Variants in SLC24A2 observed in about 807,000 individuals in gnomAD.
SLC24A2 encodes the protein solute carrier family 24 member 2, also known as sodium/potassium/calcium exchanger 2.
SLC24A2 carries 36 observed loss-of-function variants against 62.0 expected under a neutral mutation model. The ratio of observed to expected loss-of-function variants is 0.58; its 90% CI spans 0.44 to 0.77. The LOEUF is 0.77. Among genes scored for constraint, SLC24A2 ranks in the 30% least tolerant of loss-of-function variants. The pLI is 0.00. For missense variants in SLC24A2, 846 were observed against 817.9 expected (o/e 1.03, Z -0.42); for synonymous variants, 358 against 294.0 (o/e 1.22, Z -2.23).
chr9:19,556,541 A>G (rs1835095016), intron 7 of SLC24A2, among the ~76,000 whole-genome samples: 1 of 152,080 alleles, frequency 6.6e-6, no homozygotes, highest in South Asian at 2.1e-4. Context: ...ACATCTCATC[A>G]CCAGTTCACA....
the SLC24A2 span, among the ~76,000 whole-genome samples, chr9:19,836,442 A>G: frequency 1.1e-3 from 164 of 152,354 alleles, no homozygotes; most frequent in African/African-American, 3.7e-3. Flanking sequence ...AGAGAATACT[A>G]CAAACACCTC....
At chr9:19,604,610 G>C (rs1004678644) in intron 4 of SLC24A2, among the ~76,000 whole-genome samples, 1 of 152,048 alleles carries the variant, frequency 6.6e-6, no homozygotes, top group African/African-American at 2.4e-5. Flanking sequence ...ATATCCAAGG[G>C]AGGAGAGGAA....
upstream of SLC24A2, among the ~76,000 whole-genome samples, chr9:19,789,936 G>A (rs891488724): frequency 2.0e-5 from 3 of 152,202 alleles, no homozygotes; most frequent in African/African-American, 7.2e-5. Context: ...TACAATGGGG[G>A]TAATGGGTAT....
intron 2 of SLC24A2, among the ~76,000 whole-genome samples, chr9:19,707,436 T>G (rs935306997): frequency 3.9e-5 from 6 of 152,108 alleles, no homozygotes; most frequent in Non-Finnish European, 5.9e-5. Flanking sequence ...TACCAAAGCC[T>G]GGCAGAGACA....
At chr9:19,666,853 T>C (rs1819269441) in intron 2 of SLC24A2, among the ~76,000 whole-genome samples, 1 of 152,248 alleles carries the variant, frequency 6.6e-6, no homozygotes, top group Non-Finnish European at 1.5e-5. Flanking sequence ...CTGTTCTTTG[T>C]CTAAGACATT....
chr9:20,060,593 A>G, the SLC24A2 span, among the ~76,000 whole-genome samples: 16 of 152,168 alleles, frequency 1.1e-4, no homozygotes, highest in Admixed American at 3.9e-4. Flanking sequence ...ACAAAACCCA[A>G]CACTGATTCA....
chr9:19,800,900 G>A, the SLC24A2 span, among the ~76,000 whole-genome samples: 1 of 152,192 alleles, frequency 6.6e-6, no homozygotes, highest in East Asian at 1.9e-4. Context: ...GAGAGGATGA[G>A]TCTTCTCTGC....
the SLC24A2 span, among the ~76,000 whole-genome samples, chr9:20,058,649 C>T: frequency 8.5e-5 from 13 of 152,290 alleles, 1 homozygote; most frequent in African/African-American, 2.9e-4. Context: ...CATGTAGAGA[C>T]TCACGTCTGT....
chr9:19,746,448 G>C (rs1821834957), intron 2 of SLC24A2, among the ~76,000 whole-genome samples: 1 of 152,064 alleles, frequency 6.6e-6, no homozygotes, highest in African/African-American at 2.4e-5. Flanking sequence ...TCCTAGTGCA[G>C]ATAGCATGTG....
the SLC24A2 span, among the ~76,000 whole-genome samples, chr9:20,149,408 T>G: frequency 1.3e-5 from 2 of 152,016 alleles, no homozygotes; most frequent in South Asian, 4.1e-4. Flanking sequence ...TAGGGATGAT[T>G]TTTTTTCAGG....
At chr9:19,743,796 G>A (rs534712599) in intron 2 of SLC24A2, among the ~76,000 whole-genome samples, 6 of 152,142 alleles carry the variant, frequency 3.9e-5, no homozygotes, top group African/African-American at 7.2e-5. Context: ...ACATTTAGAC[G>A]CAATTCTTGG....
the SLC24A2 span, among the ~76,000 whole-genome samples, chr9:20,243,451 G>C: frequency 3.3e-5 from 5 of 152,094 alleles, no homozygotes; most frequent in Non-Finnish European, 7.3e-5. Flanking sequence ...AATACTGTTT[G>C]TGGATACATA....
chr9:19,668,925 T>C (rs906522062), intron 2 of SLC24A2, among the ~76,000 whole-genome samples: 2 of 152,178 alleles, frequency 1.3e-5, no homozygotes, highest in African/African-American at 2.4e-5. Flanking sequence ...ATTCAGTACA[T>C]AGTACTGAAT....
chr9:19,755,206 A>G (rs997141949), intron 2 of SLC24A2, among the ~76,000 whole-genome samples: 3 of 152,162 alleles, frequency 2.0e-5, no homozygotes, highest in African/African-American at 7.2e-5. Flanking sequence ...ACAGGATTAC[A>G]TAAGATAATA....
chr9:19,679,577 C>T (rs916772288), intron 2 of SLC24A2, among the ~76,000 whole-genome samples: 23 of 151,996 alleles, frequency 1.5e-4, no homozygotes, highest in Admixed American at 9.8e-4. Context: ...CCACCAATGT[C>T]GGGGGGCATT....
At chr9:19,883,442 G>A in the SLC24A2 span, among the ~76,000 whole-genome samples, 1 of 152,074 alleles carries the variant, frequency 6.6e-6, no homozygotes, top group South Asian at 2.1e-4. Context: ...GCATTTTGTA[G>A]GGCAAATAAT....
the SLC24A2 span, among the ~76,000 whole-genome samples, chr9:19,967,003 C>A: frequency 6.6e-6 from 1 of 152,052 alleles, no homozygotes; most frequent in African/African-American, 2.4e-5. Flanking sequence ...TTCTGCTTGA[C>A]TTATTTTTTC....
chr9:19,975,078 G>T, the SLC24A2 span, among the ~76,000 whole-genome samples: 27 of 152,260 alleles, frequency 1.8e-4, no homozygotes, highest in African/African-American at 6.5e-4. Flanking sequence ...CCCTAAGGGA[G>T]GGTAATGGAA....
chr9:19,534,578 A>C (rs1433033653), intron 8 of SLC24A2, among the ~76,000 whole-genome samples: 1 of 151,254 alleles, frequency 6.6e-6, no homozygotes, highest in South Asian at 2.1e-4. Flanking sequence ...TCATTGTTCA[A>C]CTCCCACTTA....
Sources: gnomAD v4.1 joint callset for allele counts (sites outside exome capture counted in the v4.1 genomes callset) on GRCh38, gnomAD v4.1.1 for gene constraint, MANE v1.5 for transcripts, NCBI Gene and HGNC (gene_info 2026-07-23, HGNC 2026-07-21) for gene names.